The following ADAMTSL1 variants were observed in gnomAD, a reference collection of about 807,000 sequenced individuals.
The protein encoded by ADAMTSL1 is ADAMTS like 1.
Under a neutral mutation model 201.8 loss-of-function variants are expected in ADAMTSL1, and 126 were observed. The observed-to-expected ratio is 0.62, with a 90% CI of 0.54 to 0.72. ADAMTSL1 has a LOEUF of 0.72. Among genes scored for constraint, ADAMTSL1 ranks in the 30% least tolerant of loss-of-function variants. The pLI is 0.00. For missense variants in ADAMTSL1, 2,679 were observed against 2,277.8 expected (o/e 1.18, Z -3.59); for synonymous variants, 1,121 against 903.4 (o/e 1.24, Z -4.32).
chr9:17,953,538 A>G (rs555415879), intron 1 of ADAMTSL1, among the ~76,000 whole-genome samples: 3 of 152,328 alleles, frequency 2.0e-5, no homozygotes, highest in South Asian at 4.1e-4. Flanking sequence ...GTCGTTCCTA[A>G]AAGCAAAATA....
chr9:18,502,484 A>G (rs988586947), intron 1 of ADAMTSL1, among the ~76,000 whole-genome samples: 6 of 152,206 alleles, frequency 3.9e-5, no homozygotes, highest in African/African-American at 1.4e-4. Flanking sequence ...TAAATGGGCT[A>G]TGGAGAAGAA....
At chr9:18,132,737 G>A (rs151202901) in intron 1 of ADAMTSL1, among the ~76,000 whole-genome samples, 1 of 152,162 alleles carries the variant, frequency 6.6e-6, no homozygotes, top group East Asian at 1.9e-4. Context: ...CTCAGAAACT[G>A]GAGTACTGTA....
intron 2 of ADAMTSL1, among the ~76,000 whole-genome samples, chr9:18,318,210 A>G (rs1834482209): frequency 6.6e-6 from 1 of 152,218 alleles, no homozygotes; most frequent in African/African-American, 2.4e-5. Flanking sequence ...ATGTTCTTCA[A>G]CATTATCATT....
At chr9:18,616,604 A>G (rs913665333) in intron 4 of ADAMTSL1, among the ~76,000 whole-genome samples, 3 of 152,198 alleles carry the variant, frequency 2.0e-5, no homozygotes, top group African/African-American at 7.2e-5. Flanking sequence ...AAGATCCAGT[A>G]GATTCTCTGA....
intron 1 of ADAMTSL1, among the ~76,000 whole-genome samples, chr9:17,992,140 G>T (rs192257854): frequency 1.8e-4 from 27 of 152,218 alleles, no homozygotes; most frequent in African/African-American, 5.5e-4. Flanking sequence ...AGAGAGCAGA[G>T]AAAGAGACCC....
intron 23 of ADAMTSL1, among the ~76,000 whole-genome samples, chr9:18,880,156 C>T (rs888176596): frequency 3.9e-5 from 6 of 152,198 alleles, no homozygotes; most frequent in South Asian, 2.1e-4. Context: ...TTCCTCAACA[C>T]TGAAGTTTTG....
intron 2 of ADAMTSL1, among the ~76,000 whole-genome samples, chr9:18,287,048 G>A (rs1169025346): frequency 6.6e-6 from 1 of 152,120 alleles, no homozygotes; most frequent in African/African-American, 2.4e-5. Flanking sequence ...TAACAAATAT[G>A]AGTTTCTTCC....
At chr9:18,814,961 C>T (rs999053981) in intron 20 of ADAMTSL1, among the ~76,000 whole-genome samples, 1 of 152,142 alleles carries the variant, frequency 6.6e-6, no homozygotes, top group Non-Finnish European at 1.5e-5. Flanking sequence ...AAAAAATGCT[C>T]AACATCACTA....
At chr9:17,984,306 G>T (rs1036388654) in intron 1 of ADAMTSL1, among the ~76,000 whole-genome samples, 1 of 151,952 alleles carries the variant, frequency 6.6e-6, no homozygotes, top group Admixed American at 6.6e-5. Flanking sequence ...GCAGTTTTGT[G>T]TATCCTTCCC....
intron 23 of ADAMTSL1, among the ~76,000 whole-genome samples, chr9:18,841,530 A>T (rs566799108): frequency 2.0e-5 from 3 of 152,146 alleles, no homozygotes; most frequent in Non-Finnish European, 4.4e-5. Flanking sequence ...CGGCTTTGGT[A>T]TCAGGATGAT....
upstream of ADAMTSL1, among the ~76,000 whole-genome samples, chr9:18,469,214 C>G (rs2131739652): frequency 6.6e-6 from 1 of 152,306 alleles, no homozygotes; most frequent in South Asian, 2.1e-4. Flanking sequence ...TTGACATCTC[C>G]CTTCTCTGAA....
chr9:18,072,192 A>G (rs571710141), intron 1 of ADAMTSL1, among the ~76,000 whole-genome samples: 1 of 152,302 alleles, frequency 6.6e-6, no homozygotes, highest in South Asian at 2.1e-4. Context: ...AAATGGGCTG[A>G]TTGAAGGCCT....
intron 1 of ADAMTSL1, among the ~76,000 whole-genome samples, chr9:18,134,024 T>C (rs1204484042): frequency 1.3e-5 from 2 of 152,108 alleles, no homozygotes; most frequent in African/African-American, 2.4e-5. Flanking sequence ...TGTTGAATAG[T>C]AAGGAATGAA....
chr9:18,022,377 C>T (rs527873999), intron 1 of ADAMTSL1, among the ~76,000 whole-genome samples: 7 of 152,232 alleles, frequency 4.6e-5, no homozygotes, highest in African/African-American at 7.2e-5. Flanking sequence ...TATTGATGCT[C>T]GGTTATTTAA....
intron 2 of ADAMTSL1, among the ~76,000 whole-genome samples, chr9:18,377,864 G>A (rs1277255148): frequency 6.6e-6 from 1 of 152,066 alleles, no homozygotes; most frequent in African/African-American, 2.4e-5. Context: ...CACCATGCCT[G>A]GCTGAGAGAT....
At chr9:18,207,454 C>T (rs1207688612) in intron 2 of ADAMTSL1, among the ~76,000 whole-genome samples, 4 of 152,156 alleles carry the variant, frequency 2.6e-5, no homozygotes, top group Non-Finnish European at 5.9e-5. Context: ...TAACTCAAGT[C>T]TACTGGCTAA....
chr9:18,834,040 G>A (rs539745306), intron 23 of ADAMTSL1, among the ~76,000 whole-genome samples: 2 of 152,194 alleles, frequency 1.3e-5, no homozygotes, highest in South Asian at 4.1e-4. Flanking sequence ...CTGTTCCATT[G>A]GCCTATGTGT....
chr9:18,162,585 C>T (rs1827441315), intron 1 of ADAMTSL1, among the ~76,000 whole-genome samples: 1 of 151,940 alleles, frequency 6.6e-6, no homozygotes, highest in African/African-American at 2.4e-5. Flanking sequence ...ATGGATTGAG[C>T]ATCTTGATGA....
chr9:18,707,017 G>T lies in ADAMTSL1; in HGVS notation c.1845G>T (p.Gly615=), dbSNP rs1441069651. 1 of 1,613,728 alleles carries T rather than the reference G, an allele frequency of 6.2e-7. No homozygotes were observed. Among genetic ancestry groups the T allele is most frequent in the Non-Finnish European group, 8.5e-7 (1 of 1,179,848 alleles). ...FDELYDWEYE[G]FTKCSESCGG... The stretch of plus-strand genomic sequence containing the variant: ...AGCTGTATGACTGGGAGTATGAGGG[G>T]TTCACCAAGTGCTCCGAGTCCTGTG... Residue 615 remains glycine, a synonymous_variant, in exon 14 of 29, where the codon GGG becomes GGT. Coordinates refer to ENST00000380548, the MANE Select transcript of ADAMTSL1 (RefSeq NM_001040272.6).
Sources: gnomAD v4.1 joint callset for allele counts (sites outside exome capture counted in the v4.1 genomes callset) on GRCh38, gnomAD v4.1.1 for gene constraint, MANE v1.5 for transcripts, NCBI Gene and HGNC (gene_info 2026-07-23, HGNC 2026-07-21) for gene names.